Variants in CHCHD3 observed in about 807,000 individuals in gnomAD.
CHCHD3 encodes the protein MICOS complex subunit MIC19.
Under a neutral mutation model 38.2 loss-of-function variants are expected in CHCHD3, and 20 were observed. That is an observed-to-expected ratio of 0.52 (90% CI 0.37 to 0.76). The LOEUF is 0.76. Among genes scored for constraint, CHCHD3 ranks in the 30% least tolerant of loss-of-function variants. CHCHD3 has a pLI of 0.00. For missense variants in CHCHD3, 245 were observed against 279.2 expected (o/e 0.88, Z 0.87); for synonymous variants, 82 against 100.0 (o/e 0.82, Z 1.07).
intron 6 of CHCHD3, among the ~76,000 whole-genome samples, chr7:132,821,952 C>T (rs989068614): frequency 1.2e-4 from 18 of 151,850 alleles, no homozygotes; most frequent in African/African-American, 4.1e-4. Context: ...TTAGTAGAGA[C>T]GGGGTTTCAC....
chr7:132,917,878 C>T (rs915882778), intron 4 of CHCHD3, among the ~76,000 whole-genome samples: 1 of 86,514 alleles, frequency 1.2e-5, no homozygotes, highest in African/African-American at 4.5e-5. Context: ...AAAAAAAAAA[C>T]CTTTCCTATT....
At chr7:132,858,187 C>T (rs542348255) in intron 5 of CHCHD3, among the ~76,000 whole-genome samples, 16 of 152,166 alleles carry the variant, frequency 1.1e-4, no homozygotes, top group Non-Finnish European at 2.2e-4. Flanking sequence ...CTCAGCCTCC[C>T]GAGTAGCTAG....
At chr7:133,043,150 G>A (rs1452736875) in intron 2 of CHCHD3, among the ~76,000 whole-genome samples, 3 of 152,044 alleles carry the variant, frequency 2.0e-5, no homozygotes, top group African/African-American at 7.2e-5. Flanking sequence ...TTACAGCCGT[G>A]AACCATCACA....
At chr7:132,917,951 T>C (rs1047499311) in intron 4 of CHCHD3, among the ~76,000 whole-genome samples, 22 of 149,642 alleles carry the variant, frequency 1.5e-4, no homozygotes, top group African/African-American at 4.9e-4. Flanking sequence ...AAACAATATA[T>C]CCATTCCAAG....
intron 4 of CHCHD3, among the ~76,000 whole-genome samples, chr7:132,963,694 T>TACACACACACACACACACACACACAC (rs71178068): frequency 6.7e-6 from 1 of 148,796 alleles, no homozygotes; most frequent in African/African-American, 2.5e-5. Flanking sequence ...CAAACGATTA[T>TACACACACACACACACACACACACAC]ACACACACAC....
chr7:132,989,140 C>G (rs1812203355), intron 3 of CHCHD3, among the ~76,000 whole-genome samples: 1 of 151,960 alleles, frequency 6.6e-6, no homozygotes, highest in African/African-American at 2.4e-5. Flanking sequence ...CCTTAGGGAT[C>G]CTGGAACCAA....
At position 132,788,851 on chromosome 7, in the gene CHCHD3, A is replaced by T. The variant is rs1806387156; in HGVS notation, c.661-3191T>A. Among the ~76,000 whole-genome samples the T allele has an allele frequency of 6.6e-6, 1 of 152,230 alleles. No individual in the cohort carries two copies. Among genetic ancestry groups the T allele is most frequent in the South Asian group, 2.1e-4 (1 of 4,832 alleles). On this transcript the variant is annotated intron_variant, in intron 7 of 7. Coordinates refer to ENST00000262570, the MANE Select transcript of CHCHD3 (RefSeq NM_017812.4). This position sits in a 1 kb window ranked among gnomAD's most constrained non-coding sequence, Gnocchi z 4.0. ...AGAAAAGCACCAGGGCTGATCTATA[A>T]ACATTTTGTCAAACTGCACTCACTT...
intron 2 of CHCHD3, among the ~76,000 whole-genome samples, chr7:133,026,482 A>G (rs1460623094): frequency 6.6e-6 from 1 of 152,232 alleles, no homozygotes; most frequent in Non-Finnish European, 1.5e-5. Context: ...TCAAAATGCT[A>G]AAGAGTTACC....
intron 4 of CHCHD3, among the ~76,000 whole-genome samples, chr7:132,896,087 T>G (rs1371640896): frequency 6.6e-6 from 1 of 152,214 alleles, no homozygotes; most frequent in East Asian, 1.9e-4. Context: ...ATCTATCATC[T>G]GGTGGTTGGG....
At chr7:132,860,083 TA>T (rs1808444116) in intron 5 of CHCHD3, among the ~76,000 whole-genome samples, 1 of 151,996 alleles carries the variant, frequency 6.6e-6, no homozygotes, top group Admixed American at 6.6e-5. Context: ...CCAGCCTAGG[TA>T]ACATGGCAAA....
intron 5 of CHCHD3, among the ~76,000 whole-genome samples, chr7:132,856,793 T>A (rs1212395497): frequency 6.6e-6 from 1 of 152,212 alleles, no homozygotes; most frequent in Non-Finnish European, 1.5e-5. Context: ...CATTTACTCA[T>A]TACACGCCTC....
intron 6 of CHCHD3, among the ~76,000 whole-genome samples, chr7:132,798,543 A>T (rs111902247): frequency 5.9e-5 from 9 of 152,302 alleles, no homozygotes; most frequent in African/African-American, 2.2e-4. Context: ...AACCTAGCAA[A>T]TACATGACTA....
chr7:132,816,806 C>T (rs915746786), intron 6 of CHCHD3, among the ~76,000 whole-genome samples: 8 of 152,214 alleles, frequency 5.3e-5, no homozygotes, highest in Non-Finnish European at 1.0e-4. Context: ...ATAACTAATG[C>T]ATGCTTCTGC....
At chr7:132,872,365 T>C (rs746782705) in intron 5 of CHCHD3, among the ~76,000 whole-genome samples, 2 of 152,148 alleles carry the variant, frequency 1.3e-5, no homozygotes, top group South Asian at 4.1e-4. Context: ...GTGGACACCA[T>C]GGTTCAAGGC....
chr7:132,897,112 A>G (rs1026764187), intron 4 of CHCHD3, among the ~76,000 whole-genome samples: 6 of 152,222 alleles, frequency 3.9e-5, no homozygotes, highest in African/African-American at 1.4e-4. Context: ...TTAAGGTGCA[A>G]TTATACTCAA....
chr7:133,073,684 A>C (rs1222622407), intron 1 of CHCHD3, among the ~76,000 whole-genome samples: 2 of 152,062 alleles, frequency 1.3e-5, no homozygotes, highest in Admixed American at 1.3e-4. Context: ...CTCTTCTCTC[A>C]TCCCATTTCT....
chr7:132,828,229 C>T (rs1305081210), intron 6 of CHCHD3, among the ~76,000 whole-genome samples: 1 of 151,994 alleles, frequency 6.6e-6, no homozygotes, highest in Non-Finnish European at 1.5e-5. Flanking sequence ...CCATTGTATA[C>T]CCCCACCAGC....
chr7:132,854,134 G>A (rs1311932115), intron 5 of CHCHD3, among the ~76,000 whole-genome samples: 2 of 152,022 alleles, frequency 1.3e-5, no homozygotes, highest in Admixed American at 6.6e-5. Context: ...AATGCCTTTC[G>A]AATGTACTCT....
chr7:133,032,421 G>T (rs945248569), intron 2 of CHCHD3, among the ~76,000 whole-genome samples: 1 of 152,202 alleles, frequency 6.6e-6, no homozygotes, highest in Non-Finnish European at 1.5e-5. Context: ...GGCAGTGTTA[G>T]GAAGAGTTTG....
Sources: allele counts gnomAD v4.1 joint callset (sites outside exome capture counted in the v4.1 genomes callset), GRCh38; gene constraint gnomAD v4.1.1; non-coding constraint Gnocchi (gnomAD v3.1); transcripts MANE v1.5; gene names NCBI Gene and HGNC (gene_info 2026-07-23, HGNC 2026-07-21).